The following NPEPL1 variants were observed in gnomAD, a reference collection of about 807,000 sequenced individuals.
NPEPL1 encodes aminopeptidase like 1, also known as probable aminopeptidase NPEPL1.
In NPEPL1, 45 loss-of-function variants were observed where a neutral mutation model predicts 52.4. The ratio of observed to expected loss-of-function variants is 0.86; its 90% CI spans 0.68 to 1.10. The LOEUF is 1.10. Ranked by LOEUF, NPEPL1 falls within the 50% of genes least tolerant of loss-of-function variation. The pLI is 0.00. For synonymous variants in NPEPL1, 360 were observed against 314.7 expected, an observed-to-expected ratio of 1.14 and a Z score of -1.52; for missense variants, 696 against 710.9, an observed-to-expected ratio of 0.98 and a Z score of 0.24.
chr20:58,712,638 C>A, intron 8 of NPEPL1, 59 bp downstream of exon 8: 1 of 1,203,044 alleles, frequency 8.3e-7, no homozygotes, highest in Non-Finnish European at 1.2e-6. Context: ...CCCTTCCCGG[C>A]CTGCAATGCC....
At chr20:58,711,823 C>T (rs575077395) in intron 7 of NPEPL1, among the ~76,000 whole-genome samples, 4 of 152,330 alleles carry the variant, frequency 2.6e-5, no homozygotes, top group Non-Finnish European at 5.9e-5. Context: ...TCCGCGCTCT[C>T]GAGGCATGCT....
intron 3 of NPEPL1, among the ~76,000 whole-genome samples, chr20:58,698,150 G>A (rs2084529157): frequency 1.3e-5 from 2 of 152,210 alleles, no homozygotes; most frequent in South Asian, 4.1e-4. Context: ...AGGGCCAGCA[G>A]GTTCAAGCAC....
intron 6 of NPEPL1, among the ~76,000 whole-genome samples, chr20:58,701,909 C>T (rs527737402): frequency 3.1e-4 from 47 of 152,292 alleles, no homozygotes; most frequent in Non-Finnish European, 5.1e-4. Context: ...CTTGTGGAGC[C>T]CCCGTCGTGG....
At chr20:58,714,374 T>C (rs922624469) in intron 10 of NPEPL1, 186 bp from the exon 11 acceptor site, 1 of 600,324 alleles carries the variant, frequency 1.7e-6, no homozygotes, top group Non-Finnish European at 2.9e-6. Flanking sequence ...CCTTGGCCTA[T>C]GGTGGGGGCA....
At chr20:58,697,386 C>G (rs1245052114) in intron 3 of NPEPL1, among the ~76,000 whole-genome samples, 1 of 152,224 alleles carries the variant, frequency 6.6e-6, no homozygotes, top group African/African-American at 2.4e-5. Context: ...CAGTCCTTGT[C>G]GAGTCCCCAC....
In NPEPL1 at chr20:58,694,562, C is replaced by G; in HGVS notation, c.477C>G (p.Asp159Glu). Residue 159 changes from aspartate (D) to glutamate (E), a missense_variant, in exon 3 of 12, where the codon GAC becomes GAG. Coordinates refer to ENST00000356091, the MANE Select transcript of NPEPL1 (RefSeq NM_024663.4). ...TGGAGTTTTTCCTGGTGGGACAAGA[C>G]AACGGGCCGGTGGAGGTGTCCACAT... Reference protein sequence around the residue: ...VTVEFFLVGQDNGPVEVSTLQ... With the variant: ...VTVEFFLVGQENGPVEVSTLQ... 6.2e-7 allele frequency: 1 copy of G among 1,613,766 alleles called. No individual in the cohort carries two copies. The highest frequency in any genetic ancestry group is 8.5e-7 in the Non-Finnish European group (1 of 1,179,796).
At position 58,713,541 on chromosome 20, in the gene NPEPL1, C is replaced by T; in HGVS notation, c.1123C>T (p.Gln375Ter). 1 of 1,601,450 alleles carries T rather than the reference C, an allele frequency of 6.2e-7. No individual in the cohort carries two copies. Among genetic ancestry groups the T allele is most frequent in the Non-Finnish European group, 8.5e-7 (1 of 1,172,692 alleles). The change falls in exon 9 of 12, where the codon CAG becomes TAG. Residue 375 changes from glutamine (Q) to a stop codon, truncating the protein, a stop_gained and splice_region_variant. Transcript: ENST00000356091. LOFTEE classifies it high-confidence loss of function. The surrounding 1 kb of genome is among the most constrained non-coding windows in gnomAD (Gnocchi z 4.6). The stretch of plus-strand genomic sequence containing the variant: ...GGACATGGCCACCCTGACCGGGGCT[C>T]AGGTGAGTGCTCCCTGGATCCACCC... ...ILDMATLTGA[Q>*]GIATGKYHAA...
At chr20:58,694,685 G>C in intron 3 of NPEPL1, 93 bp downstream of exon 3, 2 of 1,317,518 alleles carry the variant, frequency 1.5e-6, no homozygotes, top group South Asian at 3.1e-5. Flanking sequence ...TTGTTGCGGG[G>C]GCAGGAGGGG....
In NPEPL1 at chr20:58,708,500, G is replaced by A. The variant is rs1232847234; in HGVS notation, c.900+1300G>A. 7.2e-5 allele frequency among the ~76,000 whole-genome samples: 11 copies of A among 151,964 alleles called. 1 individual carries two copies. In the South Asian group the frequency reaches 1.9e-3, roughly 26 times the overall value. On this transcript the variant is annotated intron_variant, in intron 7 of 11. Coordinates refer to ENST00000356091, the MANE Select transcript of NPEPL1 (RefSeq NM_024663.4). ...TCGTGCTGAGCACACAGCTGGGGCT[G>A]TACGCAGCCTGCAAGCCCCATGCCT...
At chr20:58,694,917 C>T (rs1441242166) in intron 3 of NPEPL1, among the ~76,000 whole-genome samples, 1 of 152,254 alleles carries the variant, frequency 6.6e-6, no homozygotes, top group East Asian at 1.9e-4. Flanking sequence ...GATGTATGCA[C>T]GTGTGTGTGT....
chr20:58,711,110 C>T lies in NPEPL1; in HGVS notation c.901-1369C>T, dbSNP rs138627671. The T allele has an allele frequency of 1.4e-4, 10 of 71,224 alleles. 1 individual carries two copies. The highest frequency in any genetic ancestry group is 2.4e-4 in the East Asian group (1 of 4,090). The allele number at this position is 71,224 out of a possible 1,614,324, so 4.4% of individuals were successfully genotyped here. A position where few individuals can be genotyped will look rare whatever the true frequency, so the allele number is the denominator to read the frequency against. On this transcript the variant is annotated intron_variant, in intron 7 of 11. Transcript: ENST00000356091. ...GCCTCCTCTCCTCCTCCTCCTCCCC[C>T]CCTCCTCCCCCTCTCCTCCTCCTCC...
upstream of NPEPL1, among the ~76,000 whole-genome samples, chr20:58,692,374 CCTAA>C (rs1418969905): frequency 4.6e-5 from 7 of 152,224 alleles, no homozygotes; most frequent in East Asian, 1.9e-4. This position sits in a 1 kb window ranked among gnomAD's most constrained non-coding sequence, Gnocchi z 5.7. Flanking sequence ...GCCCCTCCGG[CCTAA>C]CTGATGGGTG....
At chr20:58,697,410 CAG>C (rs1568849341) in intron 3 of NPEPL1, among the ~76,000 whole-genome samples, 2 of 152,248 alleles carry the variant, frequency 1.3e-5, no homozygotes, top group African/African-American at 4.8e-5. Flanking sequence ...CCCTCACAGA[CAG>C]AGAACCCGCT....
chr20:58,712,623 C>A, intron 8 of NPEPL1, 44 bp downstream of exon 8: 2 of 1,400,706 alleles, frequency 1.4e-6, no homozygotes, highest in Admixed American at 1.7e-5. Flanking sequence ...TGTTGGAACT[C>A]GCGACCCTTC....
At chr20:58,707,256 C>T in intron 7 of NPEPL1, 56 bp downstream of exon 7, 1 of 1,422,156 alleles carries the variant, frequency 7.0e-7, no homozygotes, top group South Asian at 1.3e-5. Flanking sequence ...CTCGTGGGTG[C>T]TCCCCTCTCC....
At chr20:58,703,513 T>G in intron 6 of NPEPL1, 1 of 985,280 alleles carries the variant, frequency 1.0e-6, no homozygotes, top group Non-Finnish European at 1.2e-6. Context: ...GCCGCTACAT[T>G]CTGGCTGGTA....
Position 58,713,359 on chromosome 20 carries a change from G to A in NPEPL1, c.1002-61G>A, listed in dbSNP as rs1183517069. ...AAATGGGGTCTCCCCAGTTTCAAAG[G>A]GGCTCATGCCAGTGTCCCAGGAAAT... On this transcript the variant is annotated intron_variant, in intron 8 of 11. Coordinates refer to ENST00000356091, the MANE Select transcript of NPEPL1 (RefSeq NM_024663.4). The surrounding 1 kb of genome is among the most constrained non-coding windows in gnomAD (Gnocchi z 4.6). 1 of 1,509,384 alleles carries A rather than the reference G, an allele frequency of 6.6e-7. No homozygotes were observed. The highest frequency in any genetic ancestry group is 2.4e-5 in the East Asian group (1 of 41,258). 93.5% of individuals were successfully genotyped at this position (1,509,384 alleles called of 1,614,324 possible). A position where few individuals can be genotyped will look rare whatever the true frequency, so the allele number is the denominator to read the frequency against.
At chr20:58,712,873 T>G (rs981601386) in intron 8 of NPEPL1, 1 of 470,546 alleles carries the variant, frequency 2.1e-6, no homozygotes, top group Non-Finnish European at 4.0e-6. Flanking sequence ...AGGCCTGAAA[T>G]CTTTGGGTGT....
chr20:58,708,009 G>A (rs1163573770), intron 7 of NPEPL1, among the ~76,000 whole-genome samples: 13 of 152,174 alleles, frequency 8.5e-5, no homozygotes, highest in Admixed American at 2.6e-4. Flanking sequence ...GATTGAGCCC[G>A]GGAGGTTGAG....
Sources: allele counts gnomAD v4.1 joint callset (sites outside exome capture counted in the v4.1 genomes callset), GRCh38; gene constraint gnomAD v4.1.1; non-coding constraint Gnocchi (gnomAD v3.1); transcripts MANE v1.5; gene names NCBI Gene and HGNC (gene_info 2026-07-23, HGNC 2026-07-21).